The following CEP128 variants were observed in gnomAD, a reference collection of about 807,000 sequenced individuals.
CEP128 encodes centrosomal protein 128kDa.
In CEP128, 132 loss-of-function variants were observed where a neutral mutation model predicts 156.7. The ratio of observed to expected loss-of-function variants is 0.84; its 90% CI spans 0.73 to 0.97. The LOEUF is 0.97. Among genes scored for constraint, CEP128 ranks in the 50% least tolerant of loss-of-function variants. The probability of loss-of-function intolerance (pLI) is 0.00; values close to 1 mark genes in which losing one functional copy is unlikely to be tolerated. For synonymous variants in CEP128, 469 were observed against 448.9 expected (o/e 1.04, Z -0.57); for missense variants, 1,252 against 1,281.9 (o/e 0.98, Z 0.36).
chr14:80,503,021 G>A (rs1264329943), intron 24 of CEP128, among the ~76,000 whole-genome samples: 2 of 152,044 alleles, frequency 1.3e-5, no homozygotes, highest in Admixed American at 1.3e-4. Context: ...TAATGATAAG[G>A]TAGCTAGGAT....
At chr14:80,563,077 AG>A (rs1890756890) in intron 20 of CEP128, among the ~76,000 whole-genome samples, 3 of 152,116 alleles carry the variant, frequency 2.0e-5, no homozygotes, top group Non-Finnish European at 4.4e-5. Context: ...AACCTCTCCC[AG>A]TTTACCCAGA....
chr14:80,830,864 G>A, intron 13 of CEP128: 1 of 321,008 alleles, frequency 3.1e-6, no homozygotes, highest in Non-Finnish European at 5.7e-6. Context: ...ATTGCTATTA[G>A]AACAAAAATA....
chr14:80,750,143 AGCG>A (rs1314070423), intron 18 of CEP128, among the ~76,000 whole-genome samples: 1 of 152,190 alleles, frequency 6.6e-6, no homozygotes, highest in African/African-American at 2.4e-5. Flanking sequence ...AGTAATCATA[AGCG>A]TAAGGTAGAA....
At chr14:80,927,048 T>A (rs1566720379) in intron 2 of CEP128, among the ~76,000 whole-genome samples, 1 of 152,140 alleles carries the variant, frequency 6.6e-6, no homozygotes, top group Admixed American at 6.5e-5. Context: ...TTTTAGACAT[T>A]CTCCAGCTCC....
intron 8 of CEP128, among the ~76,000 whole-genome samples, chr14:80,870,625 C>T (rs1194316937): frequency 6.6e-6 from 1 of 151,904 alleles, no homozygotes; most frequent in African/African-American, 2.4e-5. Flanking sequence ...ATACAACAAG[C>T]CAACAGCTAA....
intron 2 of CEP128, among the ~76,000 whole-genome samples, chr14:80,951,287 G>A (rs1210350479): frequency 6.6e-6 from 1 of 152,096 alleles, no homozygotes; most frequent in Non-Finnish European, 1.5e-5. Flanking sequence ...TAATAACACT[G>A]TATTATGGGA....
At chr14:80,592,909 T>C (rs1405988472) in intron 19 of CEP128, among the ~76,000 whole-genome samples, 1 of 152,192 alleles carries the variant, frequency 6.6e-6, no homozygotes, top group African/African-American at 2.4e-5. Context: ...CACATGATTA[T>C]CTCAATAGAT....
rs143324250 is a variant in CEP128 at position 80,862,175 on chromosome 14, C to T, written c.762+582G>A. ...CAGACTTTTTCTGTAAAGGGCCAAA[C>T]TGCCAATACTTTAAACTCCATGGGC... On this transcript the variant is annotated intron_variant, in intron 9 of 24. Coordinates refer to ENST00000555265, the MANE Select transcript of CEP128 (RefSeq NM_152446.5). Among the ~76,000 whole-genome samples, 366 of 152,292 alleles carry T rather than the reference C, an allele frequency of 2.4e-3. 3 individuals are homozygous for T. Among genetic ancestry groups the T allele is most frequent in the African/African-American group, 8.4e-3 (348 of 41,562 alleles).
intron 23 of CEP128, among the ~76,000 whole-genome samples, chr14:80,516,414 G>A (rs567262949): frequency 2.6e-5 from 4 of 152,178 alleles, no homozygotes; most frequent in East Asian, 1.9e-4. Context: ...CTGGAGCTGC[G>A]AGCTGTATTG....
At chr14:80,551,625 G>A (rs944708380) in intron 21 of CEP128, among the ~76,000 whole-genome samples, 4 of 152,172 alleles carry the variant, frequency 2.6e-5, no homozygotes, top group Non-Finnish European at 5.9e-5. Flanking sequence ...GCTAGAGTTT[G>A]TCACCTGGAT....
intron 19 of CEP128, among the ~76,000 whole-genome samples, chr14:80,627,387 G>A (rs865951512): frequency 1.1e-4 from 17 of 152,168 alleles, no homozygotes; most frequent in South Asian, 2.1e-4. Flanking sequence ...ACTCTTAGAC[G>A]TGATTAAAAT....
At chr14:80,877,518 C>T (rs929765685) in intron 8 of CEP128, among the ~76,000 whole-genome samples, 1 of 152,166 alleles carries the variant, frequency 6.6e-6, no homozygotes, top group Non-Finnish European at 1.5e-5. Context: ...GCTCCTAGCA[C>T]TTTTCTCCAC....
At chr14:80,917,059 T>G (rs1884603973) in intron 2 of CEP128, among the ~76,000 whole-genome samples, 1 of 152,210 alleles carries the variant, frequency 6.6e-6, no homozygotes, top group Non-Finnish European at 1.5e-5. Context: ...ACAACTCTCA[T>G]GTACCTTGAT....
chr14:80,725,524 TCTATTAA>T, intron 19 of CEP128, among the ~76,000 whole-genome samples: 1 of 152,196 alleles, frequency 6.6e-6, no homozygotes, highest in East Asian at 1.9e-4. Context: ...CACCTTTACC[TCTATTAA>T]CTATTCCAGA....
chr14:80,705,582 T>C (rs1281702833), intron 19 of CEP128, among the ~76,000 whole-genome samples: 1 of 152,172 alleles, frequency 6.6e-6, no homozygotes, highest in Non-Finnish European at 1.5e-5. Flanking sequence ...TCCTTTCCCC[T>C]TGAATGTGGG....
chr14:80,631,335 T>C (rs1471087402), intron 19 of CEP128, among the ~76,000 whole-genome samples: 2 of 151,920 alleles, frequency 1.3e-5, no homozygotes, highest in African/African-American at 4.8e-5. Flanking sequence ...GCATGATATA[T>C]AGGAATAGCT....
chr14:80,908,511 T>C (rs1017054381), intron 4 of CEP128, among the ~76,000 whole-genome samples: 1 of 152,226 alleles, frequency 6.6e-6, no homozygotes, highest in African/African-American at 2.4e-5. Flanking sequence ...ATCTTATTTT[T>C]CAGTTTCTGA....
At position 80,529,598 on chromosome 14, in the gene CEP128, A is replaced by C. The variant is rs868430951; in HGVS notation, c.2958+1211T>G. 1.3e-5 allele frequency among the ~76,000 whole-genome samples: 2 copies of C among 152,248 alleles called. 1 individual carries two copies. The highest frequency in any genetic ancestry group is 6.8e-3 in the Middle Eastern group (2 of 294). ...GTGACAAGTGCAACCTGTTTCCCAT[A>C]TTTTCTCTTGTCTGCCCTTCATTTA... On this transcript the variant is annotated intron_variant, in intron 22 of 24. Transcript: ENST00000555265.
At chr14:80,943,776 G>A (rs1345066676), upstream of CEP128, among the ~76,000 whole-genome samples, 2 of 151,856 alleles carry the variant, frequency 1.3e-5, no homozygotes, top group Non-Finnish European at 2.9e-5. Context: ...GGTGGATCAC[G>A]TGAGGTCAGG....
Sources: gnomAD v4.1 joint callset for allele counts (sites outside exome capture counted in the v4.1 genomes callset) on GRCh38, gnomAD v4.1.1 for gene constraint, MANE v1.5 for transcripts, NCBI Gene and HGNC (gene_info 2026-07-23, HGNC 2026-07-21) for gene names.